Variants in CBFB observed in about 807,000 individuals in gnomAD.
CBFB encodes core-binding factor subunit beta.
In CBFB, 9 loss-of-function variants were observed where a neutral mutation model predicts 30.4. That is an observed-to-expected ratio of 0.30 (90% CI 0.18 to 0.52). The LOEUF is 0.52. Among genes scored for constraint, CBFB ranks in the 20% least tolerant of loss-of-function variants. CBFB has a pLI of 0.97. For synonymous variants in CBFB, 94 were observed against 84.0 expected (o/e 1.12, Z -0.65); for missense variants, 170 against 244.0 (o/e 0.70, Z 2.02).
intron 5 of CBFB, among the ~76,000 whole-genome samples, chr16:67,084,191 T>TAAAAAAAA (rs1961651967): frequency 1.0e-5 from 1 of 97,738 alleles, no homozygotes; most frequent in African/African-American, 4.0e-5. Context: ...AAAAAAAAAG[T>TAAAAAAAA]ATATTCTAGC....
At chr16:67,071,066 A>T (rs781304037) in intron 4 of CBFB, among the ~76,000 whole-genome samples, 35 of 152,180 alleles carry the variant, frequency 2.3e-4, no homozygotes, top group African/African-American at 9.7e-5. Context: ...TACAGTGTAT[A>T]GTAAAAAAAA....
intron 3 of CBFB, among the ~76,000 whole-genome samples, chr16:67,041,799 G>A (rs1441385665): frequency 6.9e-6 from 1 of 145,922 alleles, no homozygotes; most frequent in African/African-American, 2.6e-5. Context: ...TTAAGAGAGA[G>A]GGTCTCACTC....
intron 4 of CBFB, among the ~76,000 whole-genome samples, chr16:67,079,884 C>T (rs753780402): frequency 3.1e-4 from 47 of 152,262 alleles, no homozygotes; most frequent in Non-Finnish European, 5.1e-4. Flanking sequence ...CAGTGGCTTA[C>T]GCCTATAAGC....
chr16:67,082,892 C>A (rs1334355103), intron 5 of CBFB, among the ~76,000 whole-genome samples: 2 of 152,002 alleles, frequency 1.3e-5, no homozygotes, highest in Non-Finnish European at 2.9e-5. Flanking sequence ...ACTTAGGATA[C>A]ATTTTTTAAA....
At chr16:67,078,427 T>G (rs1199144475) in intron 4 of CBFB, among the ~76,000 whole-genome samples, 1 of 152,008 alleles carries the variant, frequency 6.6e-6, no homozygotes, top group African/African-American at 2.4e-5. Flanking sequence ...ACACCTGTAG[T>G]CCCTGCTACT....
intron 5 of CBFB, among the ~76,000 whole-genome samples, chr16:67,091,849 T>TTTG (rs556456138): frequency 1.2e-4 from 18 of 151,654 alleles, no homozygotes; most frequent in Admixed American, 2.6e-4. Flanking sequence ...TCATCTAGGT[T>TTTG]TTGTTGTTGT....
chr16:67,031,215 G>A (rs1966338019), intron 2 of CBFB, among the ~76,000 whole-genome samples: 2 of 152,188 alleles, frequency 1.3e-5, no homozygotes, highest in African/African-American at 4.8e-5. Context: ...TTTATCAGGA[G>A]CTCCTGAATA....
At chr16:67,091,281 A>G (rs1961873131) in intron 5 of CBFB, among the ~76,000 whole-genome samples, 1 of 152,246 alleles carries the variant, frequency 6.6e-6, no homozygotes, top group South Asian at 2.1e-4. Flanking sequence ...AAATTATTCT[A>G]TCTGCAGGAT....
In CBFB at chr16:67,100,066, C is replaced by CT. The variant is rs201131293; in HGVS notation, c.*1297dup. The CT allele has an allele frequency of 0.031, 6,555 of 209,936 alleles. 112 individuals carry two copies. The highest frequency in any genetic ancestry group is 0.044 in the Non-Finnish European group (4,588 of 103,398). 13.0% of individuals were successfully genotyped at this position (209,936 alleles called of 1,614,324 possible). A position where few individuals can be genotyped will look rare whatever the true frequency, so the allele number is the denominator to read the frequency against. On this transcript the variant is annotated 3_prime_UTR_variant, in exon 6 of 6. Coordinates refer to ENST00000412916, the MANE Select transcript of CBFB (RefSeq NM_022845.3). Reference sequence around the variant, plus strand: ...AAATAGGCTTACTGTCAAATTGCAACTTTTTTTTTAGATACAGAGTGGAAA... The same window carrying CT: ...AAATAGGCTTACTGTCAAATTGCAACTTTTTTTTTTAGATACAGAGTGGAAA...
At chr16:67,038,014 T>G (rs867729507) in intron 3 of CBFB, among the ~76,000 whole-genome samples, 17 of 152,082 alleles carry the variant, frequency 1.1e-4, no homozygotes, top group African/African-American at 3.9e-4. Flanking sequence ...GATTCTTGAT[T>G]GAGAAGTCAA....
chr16:67,035,685 C>T (rs1377692390), intron 2 of CBFB, among the ~76,000 whole-genome samples: 1 of 152,196 alleles, frequency 6.6e-6, no homozygotes, highest in Non-Finnish European at 1.5e-5. Flanking sequence ...GAGATGAAGA[C>T]TCTATGCATG....
chr16:67,035,359 C>A (rs558648801), intron 2 of CBFB, among the ~76,000 whole-genome samples: 1 of 152,118 alleles, frequency 6.6e-6, no homozygotes, highest in South Asian at 2.1e-4. Context: ...GCTGGGATTA[C>A]GAGTGTGAAC....
At position 67,041,703 on chromosome 16, in the gene CBFB, A is replaced by G. The variant is rs145743998; in HGVS notation, c.282+4948A>G. 2.3e-3 allele frequency among the ~76,000 whole-genome samples: 349 copies of G among 151,280 alleles called. 2 individuals carry two copies. Among genetic ancestry groups the G allele is most frequent in the African/African-American group, 8.1e-3 (333 of 41,104 alleles). ...ACTGGCTGGAACAATTTTGAACAGC[A>G]GGTTAGGTTGGTTTAGCGCATGTGA... On this transcript the variant is annotated intron_variant, in intron 3 of 5. Coordinates refer to ENST00000412916, the MANE Select transcript of CBFB (RefSeq NM_022845.3).
chr16:67,067,533 A>G (rs1454901259), intron 4 of CBFB, among the ~76,000 whole-genome samples: 1 of 152,120 alleles, frequency 6.6e-6, no homozygotes. Flanking sequence ...CAACAACAAC[A>G]ACGAACAACA....
At chr16:67,075,201 G>A (rs763975254) in intron 4 of CBFB, among the ~76,000 whole-genome samples, 2,140 of 122,104 alleles carry the variant, frequency 0.018, 35 homozygotes, top group East Asian at 0.055. Context: ...AAAAAAATGT[G>A]TGTGTGTGTG....
At chr16:67,083,133 T>A (rs973633181) in intron 5 of CBFB, among the ~76,000 whole-genome samples, 1 of 152,116 alleles carries the variant, frequency 6.6e-6, no homozygotes, top group African/African-American at 2.4e-5. Context: ...GAGCAGTGAT[T>A]GTGCCACTGT....
At chr16:67,090,912 A>G (rs955921315) in intron 5 of CBFB, among the ~76,000 whole-genome samples, 1 of 152,210 alleles carries the variant, frequency 6.6e-6, no homozygotes, top group Non-Finnish European at 1.5e-5. Flanking sequence ...GGGGCCTTCA[A>G]TTCTGTGTGG....
intron 4 of CBFB, among the ~76,000 whole-genome samples, chr16:67,070,442 C>T (rs762914662): frequency 2.0e-4 from 30 of 152,160 alleles, no homozygotes; most frequent in Non-Finnish European, 4.0e-4. Context: ...ATTTCCAATT[C>T]TTTCAGAAAA....
At chr16:67,056,796 C>T (rs1053921550) in intron 3 of CBFB, among the ~76,000 whole-genome samples, 2 of 152,114 alleles carry the variant, frequency 1.3e-5, no homozygotes, top group African/African-American at 2.4e-5. Context: ...GGTCTCCTGC[C>T]TCAGCCTCCT....
Sources: gnomAD v4.1 joint callset for allele counts (sites outside exome capture counted in the v4.1 genomes callset) on GRCh38, gnomAD v4.1.1 for gene constraint, MANE v1.5 for transcripts, NCBI Gene and HGNC (gene_info 2026-07-23, HGNC 2026-07-21) for gene names.